The following PCDH15 variants were observed in gnomAD, a reference collection of about 807,000 sequenced individuals.
PCDH15 encodes protocadherin-15.
A neutral mutation model predicts 178.5 loss-of-function variants in PCDH15; 129 were observed. The observed-to-expected ratio is 0.72, with a 90% confidence interval of 0.63 to 0.84. PCDH15 has a LOEUF of 0.84. Among genes scored for constraint, PCDH15 ranks in the 40% least tolerant of loss-of-function variants. The pLI is 0.00. For synonymous variants in PCDH15, 800 were observed against 732.0 expected (o/e 1.09, Z -1.50); for missense variants, 2,230 against 2,099.9 (o/e 1.06, Z -1.21).
intron 2 of PCDH15, among the ~76,000 whole-genome samples, chr10:54,642,498 T>C (rs1271389280): frequency 1.3e-5 from 2 of 152,176 alleles, no homozygotes; most frequent in Admixed American, 6.5e-5. Flanking sequence ...TTATCTTTCA[T>C]AGTATCTAGC....
At chr10:54,931,619 G>A (rs1045897597) in intron 2 of PCDH15, among the ~76,000 whole-genome samples, 3 of 152,152 alleles carry the variant, frequency 2.0e-5, no homozygotes, top group Non-Finnish European at 4.4e-5. Context: ...TATTCATCCT[G>A]AACTTTAGGA....
chr10:55,128,398 C>T (rs1255890981), intron 2 of PCDH15, among the ~76,000 whole-genome samples: 1 of 151,988 alleles, frequency 6.6e-6, no homozygotes, highest in Non-Finnish European at 1.5e-5. Context: ...CCATAATTAA[C>T]AGCAGAGTTA....
chr10:54,260,902 G>A (rs890877511), intron 8 of PCDH15, among the ~76,000 whole-genome samples: 8 of 152,194 alleles, frequency 5.3e-5, no homozygotes, highest in Non-Finnish European at 8.8e-5. Context: ...CAAAGTGTGG[G>A]GATTACAGGT....
At chr10:54,182,128 T>G (rs2048043643) in intron 13 of PCDH15, among the ~76,000 whole-genome samples, 1 of 152,128 alleles carries the variant, frequency 6.6e-6, no homozygotes. Flanking sequence ...CGGCTAATTT[T>G]TTTAAAAATT....
chr10:54,963,826 T>C (rs778869428), intron 2 of PCDH15, among the ~76,000 whole-genome samples: 2 of 152,196 alleles, frequency 1.3e-5, no homozygotes. Context: ...CAGGGTGTTG[T>C]TCTAGGTCCC....
intron 1 of PCDH15, among the ~76,000 whole-genome samples, chr10:54,721,146 C>T (rs11004497): frequency 0.12 from 18,516 of 151,856 alleles, 1,258 homozygotes; most frequent in African/African-American, 0.17. Context: ...TTTGTGTAAG[C>T]AACAAAATTA....
intron 3 of PCDH15, among the ~76,000 whole-genome samples, chr10:54,442,388 TTTAA>T (rs2075845121): frequency 9.3e-5 from 7 of 75,240 alleles, no homozygotes; most frequent in African/African-American, 3.0e-4. Flanking sequence ...CTCCTTTTTT[TTTAA>T]AAAAAAAAAA....
chr10:54,193,221 A>G (rs1240050945), intron 11 of PCDH15, among the ~76,000 whole-genome samples: 2 of 152,184 alleles, frequency 1.3e-5, no homozygotes, highest in Non-Finnish European at 2.9e-5. Context: ...TTGGAACACA[A>G]TTTTAACATT....
chr10:54,070,904 TTTGTTG>T (rs927869347), intron 17 of PCDH15, among the ~76,000 whole-genome samples: 1 of 152,076 alleles, frequency 6.6e-6, no homozygotes, highest in Non-Finnish European at 1.5e-5. Context: ...TCTTTTGTTT[TTTGTTG>T]TTGTTGTTGT....
chr10:54,464,019 A>G (rs1445611372), intron 3 of PCDH15, among the ~76,000 whole-genome samples: 1 of 152,082 alleles, frequency 6.6e-6, no homozygotes, highest in Non-Finnish European at 1.5e-5. Flanking sequence ...GTCGGGCAAG[A>G]TTCTGGACAG....
intron 3 of PCDH15, among the ~76,000 whole-genome samples, chr10:54,430,146 T>G (rs1008803263): frequency 1.4e-5 from 2 of 146,626 alleles, no homozygotes; most frequent in African/African-American, 5.0e-5. Flanking sequence ...GCCTCCACCT[T>G]CTGGGTTCAA....
intron 1 of PCDH15, among the ~76,000 whole-genome samples, chr10:55,286,468 G>A (rs1842872227): frequency 6.7e-6 from 1 of 149,138 alleles, no homozygotes; most frequent in Admixed American, 6.7e-5. Flanking sequence ...ACCTCATTAG[G>A]TTTGGTCATA....
intron 2 of PCDH15, among the ~76,000 whole-genome samples, chr10:54,937,586 G>A (rs1287867582): frequency 6.6e-6 from 1 of 151,776 alleles, no homozygotes; most frequent in Non-Finnish European, 1.5e-5. Flanking sequence ...TATTGTAAAT[G>A]TAATTAATCA....
At chr10:54,917,880 T>C (rs1837380900) in intron 2 of PCDH15, among the ~76,000 whole-genome samples, 1 of 152,216 alleles carries the variant, frequency 6.6e-6, no homozygotes, top group Non-Finnish European at 1.5e-5. Flanking sequence ...TTTACTCATA[T>C]ATGTTGGTGG....
Position 54,774,007 on chromosome 10 carries a change from C to CTTT in PCDH15, c.-29+26915_-29+26917dup, listed in dbSNP as rs763704132. The stretch of plus-strand genomic sequence containing the variant: ...TAGATGAACTGGCATACTTCATAGG[C>CTTT]TTTTTTTTTTTTTTTTTTTTTTTTT... On this transcript the variant is annotated intron_variant, in intron 1 of 37. Coordinates refer to ENST00000644397, the MANE Select transcript of PCDH15 (RefSeq NM_001384140.1). 3.6e-4 allele frequency among the ~76,000 whole-genome samples: 27 copies of CTTT among 75,384 alleles called. 4 individuals are homozygous for CTTT. The highest frequency in any genetic ancestry group is 6.4e-4 in the African/African-American group (14 of 21,856). 49.5% of individuals were successfully genotyped at this position (75,384 alleles called of 152,430 possible). A position where few individuals can be genotyped will look rare whatever the true frequency, so the allele number is the denominator to read the frequency against.
intron 2 of PCDH15, among the ~76,000 whole-genome samples, chr10:55,433,881 A>G (rs1028959988): frequency 6.6e-5 from 10 of 152,006 alleles, no homozygotes; most frequent in Middle Eastern, 3.4e-3. Flanking sequence ...TTATTGATCA[A>G]TCCTTTTTTC....
At chr10:53,967,664 T>A (rs896461661) in intron 21 of PCDH15, among the ~76,000 whole-genome samples, 1 of 152,212 alleles carries the variant, frequency 6.6e-6, no homozygotes. Context: ...AATAAGTTAA[T>A]GTTTCTTTCA....
intron 2 of PCDH15, among the ~76,000 whole-genome samples, chr10:55,456,376 G>A (rs1193873160): frequency 6.6e-6 from 1 of 152,002 alleles, no homozygotes; most frequent in Non-Finnish European, 1.5e-5. Context: ...TCTTAAAACT[G>A]TAAATTTTAT....
At chr10:54,616,701 G>C (rs1270227720) in intron 2 of PCDH15, among the ~76,000 whole-genome samples, 3 of 152,038 alleles carry the variant, frequency 2.0e-5, no homozygotes. Context: ...GCGACTTTGA[G>C]ACCCAGTCAG....
Sources: allele counts gnomAD v4.1 joint callset (sites outside exome capture counted in the v4.1 genomes callset), GRCh38; gene constraint gnomAD v4.1.1; transcripts MANE v1.5; gene names NCBI Gene and HGNC (gene_info 2026-07-23, HGNC 2026-07-21).